The following TRMT11 variants were observed in gnomAD, a reference collection of about 807,000 sequenced individuals.
TRMT11 encodes tRNA methyltransferase 11.
A neutral mutation model predicts 62.8 loss-of-function variants in TRMT11; 53 were observed. The observed-to-expected ratio is 0.84, with a 90% CI of 0.68 to 1.06. The LOEUF (loss-of-function observed/expected upper bound fraction) is 1.06, where lower values mean the gene tolerates loss of function less well. TRMT11 is among the 50% of genes least tolerant of loss of function. The pLI is 0.00. For synonymous variants in TRMT11, 188 were observed against 190.3 expected (o/e 0.99, Z 0.10); for missense variants, 556 against 553.4 (o/e 1.00, Z -0.05).
intron 21 of TRMT11, among the ~76,000 whole-genome samples, chr6:126,137,398 A>T (rs1777863903): frequency 1.3e-5 from 2 of 151,960 alleles, no homozygotes; most frequent in Admixed American, 1.3e-4. Flanking sequence ...AATGCTCAAT[A>T]TCACTAATCA....
Position 126,077,545 on chromosome 6 carries a change from G to T in TRMT11, c.*1437+24355G>T, listed in dbSNP as rs370375830. Among the ~76,000 whole-genome samples, 66 of 152,204 alleles carry T rather than the reference G, an allele frequency of 4.3e-4. No homozygotes were observed. The East Asian group carries it at 8.5e-3, about 20-fold the overall frequency. ...CAACATTTACTGGAAACCTCTATCTGGAACACAGATTACCTCAAGTAATCT... is the reference window on the plus strand; with the variant it reads ...CAACATTTACTGGAAACCTCTATCTTGAACACAGATTACCTCAAGTAATCT... On this transcript the variant is annotated intron_variant and NMD_transcript_variant, in intron 17 of 22. Transcript: ENST00000648977.
At chr6:125,986,890 C>A in intron 1 of TRMT11, 1 of 475,060 alleles carries the variant, frequency 2.1e-6, no homozygotes, top group South Asian at 3.2e-5. Flanking sequence ...GTGAATATGA[C>A]CGGTCATCTC....
intron 12 of TRMT11, among the ~76,000 whole-genome samples, chr6:126,027,767 A>C (rs1209212269): frequency 6.6e-6 from 1 of 152,198 alleles, no homozygotes; most frequent in Non-Finnish European, 1.5e-5. Context: ...CAGTAACATG[A>C]AGCTGATGAA....
chr6:125,990,606 C>A (rs1392162631), intron 1 of TRMT11, among the ~76,000 whole-genome samples: 2 of 152,148 alleles, frequency 1.3e-5, no homozygotes, highest in Admixed American at 6.6e-5. Flanking sequence ...TCTTTCTATG[C>A]CTTCAATTAG....
the TRMT11 span, among the ~76,000 whole-genome samples, chr6:126,267,753 A>C: frequency 6.6e-6 from 1 of 152,152 alleles, no homozygotes; most frequent in Non-Finnish European, 1.5e-5. Context: ...AGATATTTCA[A>C]GGTGCTTTGC....
At chr6:126,118,583 A>T (rs567860989) in intron 21 of TRMT11, among the ~76,000 whole-genome samples, 2 of 152,086 alleles carry the variant, frequency 1.3e-5, no homozygotes, top group African/African-American at 4.8e-5. Flanking sequence ...TCCTAGGGAG[A>T]TGGAAGAATT....
intron 1 of TRMT11, among the ~76,000 whole-genome samples, chr6:125,991,278 TTCTC>T (rs1280350981): frequency 6.6e-6 from 1 of 151,660 alleles, no homozygotes; most frequent in Non-Finnish European, 1.5e-5. Context: ...TTGGAGACTG[TTCTC>T]TCTCTGTTTT....
At chr6:126,056,350 A>G (rs1395124676) in intron 17 of TRMT11, among the ~76,000 whole-genome samples, 1 of 152,178 alleles carries the variant, frequency 6.6e-6, no homozygotes, top group Non-Finnish European at 1.5e-5. Context: ...AAGTCCTTTT[A>G]TTTGATTTCA....
chr6:126,119,480 TA>T (rs56778747), intron 21 of TRMT11, among the ~76,000 whole-genome samples: 50,557 of 124,220 alleles, frequency 0.41, 9,087 homozygotes, highest in Non-Finnish European at 0.47. Context: ...TCTTCTTTGA[TA>T]AAAAAAAAAA....
chr6:126,214,655 TTTTG>T, the TRMT11 span, among the ~76,000 whole-genome samples: 2 of 152,000 alleles, frequency 1.3e-5, no homozygotes, highest in African/African-American at 2.4e-5. Context: ...GGATTGTTGA[TTTTG>T]TTTATCTTTT....
chr6:126,257,717 C>T, the TRMT11 span, among the ~76,000 whole-genome samples: 19 of 152,106 alleles, frequency 1.2e-4, no homozygotes, highest in African/African-American at 4.6e-4. Context: ...AAAGGTCCTG[C>T]GCCACAGAGT....
the TRMT11 span, among the ~76,000 whole-genome samples, chr6:126,228,780 C>G: frequency 6.6e-6 from 1 of 152,298 alleles, no homozygotes; most frequent in African/African-American, 2.4e-5. Flanking sequence ...ACCAAGCAAA[C>G]TCTCAGAGCT....
chr6:125,998,683 G>T lies in TRMT11; in HGVS notation c.521G>T (p.Trp174Leu). 2 of 1,608,636 alleles carry T rather than the reference G, an allele frequency of 1.2e-6. No homozygotes were observed. The highest frequency in any genetic ancestry group is 1.7e-6 in the Non-Finnish European group (2 of 1,178,448). Residue 174 changes from tryptophan (W) to leucine (L), a missense_variant and splice_region_variant, in exon 6 of 13, where the codon TGG (tryptophan) becomes TTG (leucine). Physicochemically the swap from Trp to Leu is moderately conservative, Grantham distance 61. Coordinates refer to ENST00000334379, the MANE Select transcript of TRMT11 (RefSeq NM_001031712.3). ...ENPHNIYFGRWIADGQRELIE... is the reference protein window; with the variant it reads ...ENPHNIYFGRLIADGQRELIE... ...CCACATAATATTTATTTTGGTAGAT[G>T]GGTGAGCAAGTTTTCTTTCTACCTA...
chr6:126,043,295 C>T (rs1225232950), downstream of TRMT11, among the ~76,000 whole-genome samples: 42 of 146,584 alleles, frequency 2.9e-4, no homozygotes, highest in African/African-American at 1.0e-3. Flanking sequence ...TGAGTGAGAA[C>T]ATGCGGTGTT....
chr6:126,108,652 T>C (rs1777492030), intron 17 of TRMT11, among the ~76,000 whole-genome samples: 1 of 152,194 alleles, frequency 6.6e-6, no homozygotes, highest in African/African-American at 2.4e-5. Flanking sequence ...AACATTAATT[T>C]ATAGTTCATT....
At chr6:126,239,525 G>C in the TRMT11 span, among the ~76,000 whole-genome samples, 1 of 152,122 alleles carries the variant, frequency 6.6e-6, no homozygotes, top group African/African-American at 2.4e-5. Context: ...TAAGAATGTT[G>C]AATATTGGCC....
Position 126,024,636 on chromosome 6 carries a change from C to T in TRMT11, c.1260+3356C>T, listed in dbSNP as rs145279302. On this transcript the variant is annotated intron_variant, in intron 12 of 12. Transcript: ENST00000334379. ...TCCTTAAAGGCCCTGTCTTCAAATA[C>T]AGTCATATTGAGGGTTAGGGCCTTA... Among the ~76,000 whole-genome samples, 18 of 152,308 alleles carry T rather than the reference C, an allele frequency of 1.2e-4. No individual in the cohort carries two copies. In the East Asian group the frequency reaches 3.5e-3, roughly 29 times the overall value.
rs563541290 is a variant in TRMT11 at position 126,045,109 on chromosome 6, A to G, written c.*1369+4264A>G. Among the ~76,000 whole-genome samples, 30 of 151,618 alleles carry G rather than the reference A, an allele frequency of 2.0e-4. No individual in the cohort carries two copies. In the South Asian group the frequency reaches 5.6e-3, roughly 29 times the overall value. ...AGGCTGAGACATGAGAATTGCTTGA[A>G]CCTGGGAGGTGGAGATTGCAGTGAG... On this transcript the variant is annotated intron_variant and NMD_transcript_variant, in intron 16 of 22. Transcript: ENST00000648977.
chr6:126,146,519 T>A (rs1195766544), intron 21 of TRMT11, among the ~76,000 whole-genome samples: 5 of 133,964 alleles, frequency 3.7e-5, no homozygotes, highest in East Asian at 4.1e-4. Flanking sequence ...CTAAATGAAA[T>A]TTTTTTTTTT....
Sources: gnomAD v4.1 joint callset for allele counts (sites outside exome capture counted in the v4.1 genomes callset) on GRCh38, gnomAD v4.1.1 for gene constraint, MANE v1.5 for transcripts, NCBI Gene and HGNC (gene_info 2026-07-23, HGNC 2026-07-21) for gene names.